RPS6KA2: variants seen among roughly 807,000 people sequenced by gnomAD.
RPS6KA2 encodes the protein ribosomal protein S6 kinase A2.
A neutral mutation model predicts 91.8 loss-of-function variants in RPS6KA2; 42 were observed. That is an observed-to-expected ratio of 0.46 (90% CI 0.36 to 0.59). The LOEUF (loss-of-function observed/expected upper bound fraction) is 0.59, where lower values mean the gene tolerates loss of function less well. Ranked by LOEUF, RPS6KA2 falls within the 20% of genes least tolerant of loss-of-function variation. RPS6KA2 has a pLI of 0.00. For synonymous variants in RPS6KA2, 414 were observed against 393.6 expected (o/e 1.05, Z -0.61); for missense variants, 798 against 978.5 (o/e 0.82, Z 2.46).
chr6:166,491,598 T>C (rs1486047427), intron 8 of RPS6KA2, among the ~76,000 whole-genome samples: 2 of 152,214 alleles, frequency 1.3e-5, no homozygotes, highest in Non-Finnish European at 2.9e-5. Context: ...TCAGTTTAAA[T>C]TACGGGGAAG....
In RPS6KA2 at chr6:166,642,531, A is replaced by G. The variant is rs529283913; in HGVS notation, c.124-103747T>C. 3.9e-5 allele frequency among the ~76,000 whole-genome samples: 6 copies of G among 152,336 alleles called. No homozygotes were observed. In the East Asian group the frequency reaches 1.2e-3, roughly 29 times the overall value. ...GACAGTGATCAGTTAAAACCTTCTA[A>G]TGTTTTCATATTTTTCTGAAGATAA... On this transcript the variant is annotated intron_variant, in intron 2 of 21. Transcript: ENST00000503859.
In RPS6KA2 at chr6:166,680,807, T is replaced by C. The variant is rs564770948; in HGVS notation, c.124-142023A>G. ...ATCACTAGGGTCTGTGGCTTCATTC[T>C]TGAAGTCAGGGAGACCGAGAACCCA... On this transcript the variant is annotated intron_variant, in intron 2 of 21. Transcript: ENST00000503859. Among the ~76,000 whole-genome samples the C allele has an allele frequency of 2.3e-4, 35 of 152,340 alleles. No individual in the cohort carries two copies. In the South Asian group the frequency reaches 7.3e-3, roughly 32 times the overall value.
chr6:166,771,253 G>C (rs535263710), intron 2 of RPS6KA2, among the ~76,000 whole-genome samples: 16 of 152,154 alleles, frequency 1.1e-4, no homozygotes, highest in Non-Finnish European at 1.6e-4. Flanking sequence ...TCCAAGCCAC[G>C]CATCAGTGAC....
chr6:166,851,456 T>C lies in RPS6KA2; in HGVS notation c.123+6744A>G, dbSNP rs1194344852. On this transcript the variant is annotated intron_variant, in intron 2 of 21. Coordinates refer to the RPS6KA2 transcript ENST00000503859. ...TTTTCTGGAGAACCGGCGTTTTCTT[T>C]ATGAGACACCCCCATAAAATCACCA... Among the ~76,000 whole-genome samples, 4 of 152,334 alleles carry C rather than the reference T, an allele frequency of 2.6e-5. No individual in the cohort carries two copies. In the East Asian group the frequency reaches 7.7e-4, roughly 29 times the overall value.
chr6:166,446,735 G>A (rs914933720), intron 14 of RPS6KA2, among the ~76,000 whole-genome samples: 3 of 152,166 alleles, frequency 2.0e-5, no homozygotes, highest in East Asian at 1.9e-4. Flanking sequence ...GGGCTGATCC[G>A]CAGGCTGTTT....
intron 2 of RPS6KA2, among the ~76,000 whole-genome samples, chr6:166,819,478 G>A (rs1779849416): frequency 6.6e-6 from 1 of 152,284 alleles, no homozygotes; most frequent in Non-Finnish European, 1.5e-5. Context: ...TGTGAATGCA[G>A]AAAGTCAGCC....
intron 2 of RPS6KA2, among the ~76,000 whole-genome samples, chr6:166,678,907 A>G (rs1788697282): frequency 6.6e-6 from 1 of 152,356 alleles, no homozygotes; most frequent in Non-Finnish European, 1.5e-5. Flanking sequence ...TAAAAACTCT[A>G]GAAATAGTGT....
In RPS6KA2 at chr6:166,737,610, T is replaced by C. The variant is rs1306224001; in HGVS notation, c.123+120590A>G. 6.6e-6 allele frequency among the ~76,000 whole-genome samples: 1 copy of C among 152,200 alleles called. No homozygotes were observed. Among genetic ancestry groups the C allele is most frequent in the Admixed American group, 6.5e-5 (1 of 15,278 alleles). On this transcript the variant is annotated intron_variant, in intron 2 of 21. Coordinates refer to the RPS6KA2 transcript ENST00000503859. The surrounding 1 kb of genome is among the most constrained non-coding windows in gnomAD (Gnocchi z 4.3). ...TTCACAGGAAACTACTACTGACTCCTTTTAAGCTTCTAAGACATTCACTGA... is the reference window on the plus strand; with the variant it reads ...TTCACAGGAAACTACTACTGACTCCCTTTAAGCTTCTAAGACATTCACTGA...
chr6:166,712,232 T>G (rs1261977483), intron 2 of RPS6KA2, among the ~76,000 whole-genome samples: 2 of 152,168 alleles, frequency 1.3e-5, no homozygotes, highest in Non-Finnish European at 2.9e-5. Flanking sequence ...GGGTGCAAAC[T>G]GTGGATAGGC....
At position 166,626,881 on chromosome 6, in the gene RPS6KA2, A is replaced by G. The variant is rs777112034; in HGVS notation, c.99+40T>C. 1.4e-5 allele frequency: 20 copies of G among 1,423,764 alleles called. No individual in the cohort carries two copies. The South Asian group carries it at 2.9e-4, about 20-fold the overall frequency. The allele number at this position is 1,423,764 out of a possible 1,614,324, so 88.2% of individuals were successfully genotyped here. ...GGGCTCGGGCGACCACGGCCCGCTC[A>G]GTGCCCGGCACCTGCGCGCCCCGAG... On this transcript the variant is annotated intron_variant, in intron 1 of 20. Coordinates refer to ENST00000265678, the MANE Select transcript of RPS6KA2 (RefSeq NM_021135.6). The surrounding 1 kb of genome is among the most constrained non-coding windows in gnomAD (Gnocchi z 4.1).
intron 2 of RPS6KA2, among the ~76,000 whole-genome samples, chr6:166,696,875 C>A (rs192747118): frequency 9.9e-5 from 15 of 152,276 alleles, no homozygotes; most frequent in South Asian, 2.1e-4. Flanking sequence ...GGGTTTTGAG[C>A]CTTCCAGCTC....
At chr6:166,478,752 C>T (rs998826098) in intron 10 of RPS6KA2, among the ~76,000 whole-genome samples, 9 of 152,178 alleles carry the variant, frequency 5.9e-5, no homozygotes, top group Admixed American at 2.0e-4. Context: ...CCCTTCCCGG[C>T]CACAGGCCTC....
intron 1 of RPS6KA2, among the ~76,000 whole-genome samples, chr6:166,566,688 G>A (rs773007989): frequency 6.6e-6 from 1 of 152,190 alleles, no homozygotes; most frequent in Non-Finnish European, 1.5e-5. Flanking sequence ...AGCCTCTTAA[G>A]GGAAGCAATT....
Position 166,626,890 on chromosome 6 carries a change from C to T in RPS6KA2, c.99+31G>A. ...CGACCACGGCCCGCTCAGTGCCCGGCACCTGCGCGCCCCGAGGGCGGCCGC... is the reference window on the plus strand; with the variant it reads ...CGACCACGGCCCGCTCAGTGCCCGGTACCTGCGCGCCCCGAGGGCGGCCGC... On this transcript the variant is annotated intron_variant, in intron 1 of 20. Transcript: ENST00000265678. The surrounding 1 kb of genome is among the most constrained non-coding windows in gnomAD (Gnocchi z 4.1). 3 of 1,453,968 alleles carry T rather than the reference C, an allele frequency of 2.1e-6. No homozygotes were observed. The highest frequency in any genetic ancestry group is 2.7e-6 in the Non-Finnish European group (3 of 1,095,032). The allele number at this position is 1,453,968 out of a possible 1,614,324, so 90.1% of individuals were successfully genotyped here.
intron 2 of RPS6KA2, among the ~76,000 whole-genome samples, chr6:166,715,506 T>A (rs1394186734): frequency 6.6e-6 from 1 of 152,106 alleles, no homozygotes; most frequent in Non-Finnish European, 1.5e-5. Flanking sequence ...AAAGGCAAAT[T>A]AATGGAACAG....
rs1346778084 is a variant in RPS6KA2, at chr6:166,563,226, T to C, written c.100-24442A>G. On this transcript the variant is annotated intron_variant, in intron 1 of 20. Transcript: ENST00000265678. This position sits in a 1 kb window ranked among gnomAD's most constrained non-coding sequence, Gnocchi z 4.1. ...GGAGACACCGCCACGTCTGTGTCTC[T>C]GGAGAAGGAAGATGGAGAAGGCATC... Among the ~76,000 whole-genome samples the C allele has an allele frequency of 1.3e-5, 2 of 152,068 alleles. No individual in the cohort carries two copies. Among genetic ancestry groups the C allele is most frequent in the Non-Finnish European group, 2.9e-5 (2 of 67,986 alleles).
rs1779169264 is a variant in RPS6KA2 at position 166,432,502 on chromosome 6, A to G, written c.1333-12T>C. 6.4e-7 allele frequency: 1 copy of G among 1,569,656 alleles called. No homozygotes were observed. Among genetic ancestry groups the G allele is most frequent in the Non-Finnish European group, 8.8e-7 (1 of 1,139,936 alleles). On this transcript the variant is annotated splice_polypyrimidine_tract_variant and intron_variant, in intron 14 of 20. Transcript: ENST00000265678. Reference sequence around the variant, plus strand: ...CTCTTATCAATGATCTGGAACAAACACAGCACATGGCAGTGAGGGGTCTAC... The same window carrying G: ...CTCTTATCAATGATCTGGAACAAACGCAGCACATGGCAGTGAGGGGTCTAC...
rs542804152 is a variant in RPS6KA2 at position 166,662,604 on chromosome 6, C to G, written c.124-123820G>C. ...GAGATTCAATATGAAAATATGGACA[C>G]AGATTCAGATATAGTGTTGGGAGTA... On this transcript the variant is annotated intron_variant, in intron 2 of 21. Transcript: ENST00000503859. The surrounding 1 kb of genome is among the most constrained non-coding windows in gnomAD (Gnocchi z 4.3). 6.6e-6 allele frequency among the ~76,000 whole-genome samples: 1 copy of G among 152,280 alleles called. No individual in the cohort carries two copies. Among genetic ancestry groups the G allele is most frequent in the East Asian group, 1.9e-4 (1 of 5,186 alleles).
At chr6:166,518,878 TA>T (rs1782750635) in intron 3 of RPS6KA2, among the ~76,000 whole-genome samples, 2 of 152,352 alleles carry the variant, frequency 1.3e-5, no homozygotes, top group Admixed American at 6.5e-5. Context: ...CAAGAGGGAC[TA>T]GGGAAGATGT....
Sources: gnomAD v4.1 joint callset for allele counts (sites outside exome capture counted in the v4.1 genomes callset) on GRCh38, gnomAD v4.1.1 for gene constraint, Gnocchi (gnomAD v3.1) non-coding constraint, MANE v1.5 for transcripts, NCBI Gene and HGNC (gene_info 2026-07-23, HGNC 2026-07-21) for gene names.